Variants in NFATC3 observed in about 807,000 individuals in gnomAD.
NFATC3 encodes nuclear factor of activated T cells 3, also known as nuclear factor of activated T-cells, cytoplasmic 3.
Under a neutral mutation model 98.6 loss-of-function variants are expected in NFATC3, and 46 were observed. That is an observed-to-expected ratio of 0.47 (90% CI 0.37 to 0.60). NFATC3 has a LOEUF of 0.60. Ranked by LOEUF, NFATC3 falls within the 20% of genes least tolerant of loss-of-function variation. The pLI, the probability that NFATC3 is intolerant of heterozygous loss-of-function variation, is 0.00. For missense variants in NFATC3, 1,256 were observed against 1,295.5 expected (o/e 0.97, Z 0.47); for synonymous variants, 512 against 472.2 (o/e 1.08, Z -1.09).
At position 68,226,918 on chromosome 16, in the gene NFATC3, A is replaced by AAAAAAAAAG. The variant is rs2042050120; in HGVS notation, c.*452_*453insAAAGAAAAA. On this transcript the variant is annotated 3_prime_UTR_variant, in exon 10 of 10. Coordinates refer to ENST00000346183, the MANE Select transcript of NFATC3 (RefSeq NM_173165.3). ...GAAGCAAAAAAAAAAAAAAAAAAAA[A>AAAAAAAAAG]AAAAAGAAAAAAAAAGAAAAGAAAA... 3 of 117,312 alleles carry AAAAAAAAAG rather than the reference A, an allele frequency of 2.6e-5. No individual in the cohort carries two copies. The highest frequency in any genetic ancestry group is 7.9e-5 in the African/African-American group (3 of 38,094). 7.3% of individuals were successfully genotyped at this position (117,312 alleles called of 1,614,324 possible). A position where few individuals can be genotyped will look rare whatever the true frequency, so the allele number is the denominator to read the frequency against.
At chr16:68,115,494 G>A (rs757506729) in intron 1 of NFATC3, among the ~76,000 whole-genome samples, 2 of 150,616 alleles carry the variant, frequency 1.3e-5, no homozygotes, top group Non-Finnish European at 3.0e-5. Flanking sequence ...GCGCAATCTC[G>A]GCTTACTGCG....
In NFATC3 at chr16:68,227,359, T is replaced by G. The variant is rs752065034; in HGVS notation, c.*888T>G. On this transcript the variant is annotated 3_prime_UTR_variant, in exon 10 of 10. Coordinates refer to ENST00000346183, the MANE Select transcript of NFATC3 (RefSeq NM_173165.3). ...TTTGTGTCATCTGGTCGTAGAACCT[T>G]TTCCAAACAGAAGCATCTGCCTTTG... 1.3e-5 allele frequency: 2 copies of G among 152,176 alleles called. No individual in the cohort carries two copies. Among genetic ancestry groups the G allele is most frequent in the Non-Finnish European group, 2.9e-5 (2 of 68,034 alleles). 9.4% of individuals were successfully genotyped at this position (152,176 alleles called of 1,614,324 possible). A position where few individuals can be genotyped will look rare whatever the true frequency, so the allele number is the denominator to read the frequency against.
intron 3 of NFATC3, among the ~76,000 whole-genome samples, chr16:68,139,229 T>G (rs2037617751): frequency 6.6e-6 from 1 of 152,060 alleles, no homozygotes; most frequent in African/African-American, 2.4e-5. Context: ...GATTTTTTCT[T>G]TATAAAATGA....
At chr16:68,206,227 A>G (rs568713442) in intron 9 of NFATC3, among the ~76,000 whole-genome samples, 8 of 152,370 alleles carry the variant, frequency 5.3e-5, no homozygotes, top group African/African-American at 1.9e-4. Context: ...TTCTCCCATG[A>G]GAAAATCCAA....
At chr16:68,155,893 A>G (rs1170287550) in intron 3 of NFATC3, among the ~76,000 whole-genome samples, 1 of 152,206 alleles carries the variant, frequency 6.6e-6, no homozygotes, top group Non-Finnish European at 1.5e-5. Flanking sequence ...GAAGGCTTAG[A>G]TTAGATATTG....
At chr16:68,091,978 C>G (rs958424294) in intron 1 of NFATC3, among the ~76,000 whole-genome samples, 1 of 152,170 alleles carries the variant, frequency 6.6e-6, no homozygotes, top group Non-Finnish European at 1.5e-5. Flanking sequence ...ATCATTTAAA[C>G]TCAAACATAA....
At chr16:68,220,155 C>T (rs7193912) in intron 9 of NFATC3, among the ~76,000 whole-genome samples, 6,134 of 152,258 alleles carry the variant, frequency 0.04, 374 homozygotes, top group African/African-American at 0.13. Flanking sequence ...CTGTGACCTA[C>T]ATAACCTGTT....
intron 9 of NFATC3, among the ~76,000 whole-genome samples, chr16:68,193,215 C>CAAATAGT (rs1208225848): frequency 6.6e-6 from 1 of 151,898 alleles, no homozygotes; most frequent in Non-Finnish European, 1.5e-5. Flanking sequence ...AGATTATGTG[C>CAAATAGT]AAATAGTACA....
At chr16:68,139,880 A>G (rs1464661104) in intron 3 of NFATC3, among the ~76,000 whole-genome samples, 1 of 152,218 alleles carries the variant, frequency 6.6e-6, no homozygotes, top group Non-Finnish European at 1.5e-5. Context: ...TAAATGTTTA[A>G]TGGAGGAAAT....
intron 1 of NFATC3, among the ~76,000 whole-genome samples, chr16:68,120,522 T>A (rs1278821599): frequency 7.0e-6 from 1 of 143,120 alleles, no homozygotes. Context: ...GAGGTTGCAG[T>A]GAGCCAAGAT....
chr16:68,159,248 A>G, intron 4 of NFATC3, among the ~76,000 whole-genome samples: 1 of 152,016 alleles, frequency 6.6e-6, no homozygotes, highest in East Asian at 1.9e-4. Flanking sequence ...AACAAAAAAC[A>G]AACAAAGCAA....
At chr16:68,179,777 C>A (rs74775711) in intron 6 of NFATC3, among the ~76,000 whole-genome samples, 4 of 152,034 alleles carry the variant, frequency 2.6e-5, no homozygotes, top group Non-Finnish European at 5.9e-5. Flanking sequence ...TTTTTTAGGA[C>A]CATCAGTATC....
At chr16:68,159,197 C>G (rs1475167125) in intron 4 of NFATC3, among the ~76,000 whole-genome samples, 1 of 152,102 alleles carries the variant, frequency 6.6e-6, no homozygotes, top group Admixed American at 6.5e-5. Flanking sequence ...GCCACTGCCA[C>G]TACACTCCAG....
intron 2 of NFATC3, among the ~76,000 whole-genome samples, chr16:68,123,725 C>T (rs879282345): frequency 6.6e-6 from 1 of 152,006 alleles, no homozygotes; most frequent in East Asian, 1.9e-4. Flanking sequence ...GGGGGCCAGG[C>T]GTGGTGTCTC....
Position 68,103,480 on chromosome 16 carries a change from G to T in NFATC3, c.103+17696G>T, listed in dbSNP as rs139460256. Among the ~76,000 whole-genome samples, 663 of 152,314 alleles carry T rather than the reference G, an allele frequency of 4.4e-3. 7 individuals are homozygous for T. The highest frequency in any genetic ancestry group is 0.015 in the African/African-American group (608 of 41,568). On this transcript the variant is annotated intron_variant, in intron 1 of 9. Transcript: ENST00000346183. Reference sequence around the variant, plus strand: ...CTGCCTCAGCCTCCCAAAGGGTTGGGATTACAGGCATGAGCCACTGGGCTT... The same window carrying T: ...CTGCCTCAGCCTCCCAAAGGGTTGGTATTACAGGCATGAGCCACTGGGCTT...
At chr16:68,152,974 C>G (rs1404345690) in intron 3 of NFATC3, among the ~76,000 whole-genome samples, 5 of 152,092 alleles carry the variant, frequency 3.3e-5, no homozygotes, top group Non-Finnish European at 7.4e-5. Flanking sequence ...TCAAGTGCCA[C>G]AAGTATTGCT....
chr16:68,192,230 A>AAATATATAT lies in NFATC3; in HGVS notation c.3106+456_3106+457insATATATATA, dbSNP rs1555522047. ...CTCGGGAAAAAAAAAAAAAAAAAAA[A>AAATATATAT]ATATATATATATATATATATATATG... On this transcript the variant is annotated intron_variant, in intron 9 of 9. Transcript: ENST00000346183. The AAATATATAT allele has an allele frequency of 3.1e-3, 257 of 82,564 alleles. 27 individuals are homozygous for AAATATATAT. Among genetic ancestry groups the AAATATATAT allele is most frequent in the African/African-American group, 0.013 (228 of 17,428 alleles). The allele number at this position is 82,564 out of a possible 1,614,324, so 5.1% of individuals were successfully genotyped here.
chr16:68,085,848 C>T, intron 1 of NFATC3, 64 bp downstream of exon 1: 1 of 1,241,572 alleles, frequency 8.1e-7, no homozygotes. Context: ...ATCTCTCGCT[C>T]CCTCCCTGTT....
At chr16:68,147,787 A>G (rs552900465) in intron 3 of NFATC3, among the ~76,000 whole-genome samples, 1 of 150,602 alleles carries the variant, frequency 6.6e-6, no homozygotes, top group Non-Finnish European at 1.5e-5. Flanking sequence ...CATATAGTCC[A>G]CAGGAGTTTT....
Sources: allele counts gnomAD v4.1 joint callset (sites outside exome capture counted in the v4.1 genomes callset), GRCh38; gene constraint gnomAD v4.1.1; transcripts MANE v1.5; gene names NCBI Gene and HGNC (gene_info 2026-07-23, HGNC 2026-07-21).